ETV1: variants seen among roughly 807,000 people sequenced by gnomAD.
ETV1 encodes ETS variant transcription factor 1, also known as ETS translocation variant 1.
In ETV1, 27 loss-of-function variants were observed where a neutral mutation model predicts 62.3. The observed-to-expected ratio is 0.43, with a 90% confidence interval of 0.32 to 0.60. The LOEUF is 0.60. Ranked by LOEUF, ETV1 falls within the 20% of genes least tolerant of loss-of-function variation. The pLI, the probability that ETV1 is intolerant of heterozygous loss-of-function variation, is 0.06. For synonymous variants in ETV1, 222 were observed against 199.6 expected, an observed-to-expected ratio of 1.11 and a Z score of -0.94; for missense variants, 605 against 605.8, an observed-to-expected ratio of 1.00 and a Z score of 0.01.
At chr7:13,973,015 A>G (rs947199284) in intron 6 of ETV1, among the ~76,000 whole-genome samples, 14 of 152,338 alleles carry the variant, frequency 9.2e-5, no homozygotes, top group Admixed American at 5.2e-4. Flanking sequence ...TCCAATTAAA[A>G]TATTTTGTAA....
At chr7:13,934,487 T>G (rs1786556944) in intron 8 of ETV1, among the ~76,000 whole-genome samples, 1 of 152,230 alleles carries the variant, frequency 6.6e-6, no homozygotes, top group Non-Finnish European at 1.5e-5. Context: ...AGAAGATTCC[T>G]TTGGCTGAGT....
At chr7:13,988,030 G>T in intron 4 of ETV1, 56 bp downstream of exon 4, 1 of 929,746 alleles carries the variant, frequency 1.1e-6, no homozygotes, top group African/African-American at 1.6e-5. Context: ...TTTTCTTTTA[G>T]CAGGGTGGAG....
intron 10 of ETV1, among the ~76,000 whole-genome samples, chr7:13,910,314 C>G (rs1783436369): frequency 6.9e-6 from 1 of 145,534 alleles, no homozygotes; most frequent in Non-Finnish European, 1.5e-5. Flanking sequence ...AATGTCCTCT[C>G]TCAAATATCC....
chr7:13,927,413 C>A (rs1183710689), intron 9 of ETV1, among the ~76,000 whole-genome samples: 1 of 152,162 alleles, frequency 6.6e-6, no homozygotes, highest in Admixed American at 6.5e-5. Flanking sequence ...AATCACACCA[C>A]TGCACTCCAG....
chr7:13,946,233 C>T (rs1200950914), intron 6 of ETV1, among the ~76,000 whole-genome samples: 2 of 152,252 alleles, frequency 1.3e-5, no homozygotes, highest in East Asian at 3.9e-4. Context: ...AACACATTTT[C>T]CATGGAAACT....
At chr7:13,922,092 TG>T (rs1784907116) in intron 9 of ETV1, among the ~76,000 whole-genome samples, 1 of 152,188 alleles carries the variant, frequency 6.6e-6, no homozygotes, top group African/African-American at 2.4e-5. Context: ...TATTAGGGGC[TG>T]GATATAAAAT....
At chr7:13,938,366 T>A (rs755826831) in intron 7 of ETV1, among the ~76,000 whole-genome samples, 3 of 152,222 alleles carry the variant, frequency 2.0e-5, no homozygotes, top group Non-Finnish European at 2.9e-5. Context: ...TGATATAACT[T>A]ATAAAACAGT....
At chr7:13,951,067 A>C (rs1788760563) in intron 6 of ETV1, among the ~76,000 whole-genome samples, 1 of 151,900 alleles carries the variant, frequency 6.6e-6, no homozygotes, top group South Asian at 2.1e-4. Flanking sequence ...CACAGTCCCC[A>C]CCACTCCATT....
intron 6 of ETV1, among the ~76,000 whole-genome samples, chr7:13,939,627 C>A (rs1017869109): frequency 2.0e-5 from 3 of 152,036 alleles, no homozygotes; most frequent in Non-Finnish European, 2.9e-5. Context: ...CAACTAAAGA[C>A]CAAAATATAA....
At chr7:13,911,343 G>C (rs769494378) in intron 9 of ETV1, 36 bp from the exon 10 acceptor site, 31 of 1,490,554 alleles carry the variant, frequency 2.1e-5, no homozygotes, top group Non-Finnish European at 2.8e-5. Context: ...AAAAGAGTCT[G>C]GAGCTGAAAC....
intron 6 of ETV1, among the ~76,000 whole-genome samples, chr7:13,964,785 A>C (rs950433632): frequency 6.6e-6 from 1 of 152,138 alleles, no homozygotes; most frequent in Non-Finnish European, 1.5e-5. Flanking sequence ...ATCACTAATG[A>C]GTGAAAGCAT....
intron 12 of ETV1, among the ~76,000 whole-genome samples, chr7:13,905,168 T>C (rs369580777): frequency 6.6e-6 from 1 of 151,968 alleles, no homozygotes; most frequent in Non-Finnish European, 1.5e-5. Context: ...CAAGAAGTTA[T>C]GTAAACTTAT....
At position 13,893,391 on chromosome 7, in the gene ETV1, T is replaced by TTTTTGA. The variant is rs1781510975; in HGVS notation, c.*2474_*2475insTCAAAA. The TTTTTGA allele has an allele frequency of 4.3e-6, 1 of 230,846 alleles. No homozygotes were observed. Among genetic ancestry groups the TTTTTGA allele is most frequent in the Admixed American group, 5.7e-5 (1 of 17,698 alleles). 14.3% of individuals were successfully genotyped at this position (230,846 alleles called of 1,614,324 possible). ...TAGATACATTTTTCAAAAGAGTTTA[T>TTTTTGA]AATGTAATATTTTCAACCCTTCTGT... On this transcript the variant is annotated 3_prime_UTR_variant, in exon 14 of 14. Transcript: ENST00000430479.
chr7:13,967,380 A>G (rs563896782), intron 6 of ETV1, among the ~76,000 whole-genome samples: 1 of 152,242 alleles, frequency 6.6e-6, no homozygotes, highest in African/African-American at 2.4e-5. Flanking sequence ...CTAGATTTAC[A>G]AAAGATTCAA....
At chr7:13,930,715 T>A (rs1786009721) in intron 9 of ETV1, among the ~76,000 whole-genome samples, 1 of 152,160 alleles carries the variant, frequency 6.6e-6, no homozygotes. Flanking sequence ...AAAGCTAAAC[T>A]CTACGAATAA....
chr7:13,915,478 GC>G (rs1302529728), intron 9 of ETV1, among the ~76,000 whole-genome samples: 3 of 152,144 alleles, frequency 2.0e-5, no homozygotes, highest in African/African-American at 7.2e-5. Context: ...GACAGATCTT[GC>G]CAACATTTTA....
intron 9 of ETV1, among the ~76,000 whole-genome samples, chr7:13,926,928 G>C (rs959823861): frequency 6.6e-6 from 1 of 152,028 alleles, no homozygotes. Flanking sequence ...TTAGGCAGTT[G>C]AAATTGCATT....
rs543727822 is a variant in ETV1 at position 13,939,197 on chromosome 7, T to C, written c.285A>G (p.Pro95=). The change falls in exon 7 of 14, where the codon CCA becomes CCG. Residue 95 remains proline (P), a synonymous_variant. Transcript: ENST00000430479. ...TGCAGGCAGAGCTGATTTCTGAACATGGACTGTGGGGTTCTTTCTTGATTT... is the reference window on the plus strand; with the variant it reads ...TGCAGGCAGAGCTGATTTCTGAACACGGACTGTGGGGTTCTTTCTTGATTT... ...PLKIKKEPHS[P]CSEISSACSQ... 3 of 1,612,482 alleles carry C rather than the reference T, an allele frequency of 1.9e-6. No homozygotes were observed. The highest frequency in any genetic ancestry group is 2.2e-5 in the East Asian group (1 of 44,838).
At chr7:13,934,082 T>A (rs1290821750) in intron 8 of ETV1, among the ~76,000 whole-genome samples, 1 of 152,182 alleles carries the variant, frequency 6.6e-6, no homozygotes, top group Non-Finnish European at 1.5e-5. Flanking sequence ...TGTTCATATT[T>A]TTTTGTTCCC....
Sources: allele counts gnomAD v4.1 joint callset (sites outside exome capture counted in the v4.1 genomes callset), GRCh38; gene constraint gnomAD v4.1.1; transcripts MANE v1.5; gene names NCBI Gene and HGNC (gene_info 2026-07-23, HGNC 2026-07-21).